Variants in RBFOX1 observed in about 807,000 individuals in gnomAD.
RBFOX1 encodes RNA binding protein fox-1 homolog 1.
A neutral mutation model predicts 57.7 loss-of-function variants in RBFOX1; 8 were observed. The observed-to-expected ratio is 0.14, with a 90% CI of 0.08 to 0.25. RBFOX1 has a LOEUF of 0.25. Among genes scored for constraint, RBFOX1 ranks in the 10% least tolerant of loss-of-function variants. The pLI, the probability that RBFOX1 is intolerant of heterozygous loss-of-function variation, is 1.00. For synonymous variants in RBFOX1, 326 were observed against 222.4 expected (o/e 1.47, Z -4.15); for missense variants, 611 against 548.5 (o/e 1.11, Z -1.14).
At chr16:6,635,683 G>A (rs533630536) in intron 2 of RBFOX1, among the ~76,000 whole-genome samples, 4 of 152,232 alleles carry the variant, frequency 2.6e-5, no homozygotes, top group Admixed American at 6.5e-5. Flanking sequence ...TGAGTCTTAC[G>A]GTTTTGTGAA....
At chr16:5,933,935 C>G (rs2059119292) in intron 4 of RBFOX1, among the ~76,000 whole-genome samples, 1 of 152,048 alleles carries the variant, frequency 6.6e-6, no homozygotes, top group African/African-American at 2.4e-5. Flanking sequence ...TTCTGTTCCT[C>G]TCCCTCCTCC....
chr16:7,710,872 G>C lies in RBFOX1; in HGVS notation c.*127G>C. On this transcript the variant is annotated 3_prime_UTR_variant, in exon 16 of 16. Coordinates refer to ENST00000550418, the MANE Select transcript of RBFOX1 (RefSeq NM_018723.4). The stretch of plus-strand genomic sequence containing the variant: ...AAAAAAAAAAAATACAAATAAAAAG[G>C]AAAAAAAATTACATTTTTTATCTTA... 2 of 980,900 alleles carry C rather than the reference G, an allele frequency of 2.0e-6. No homozygotes were observed. The highest frequency in any genetic ancestry group is 1.7e-5 in the African/African-American group (1 of 58,588). The allele number at this position is 980,900 out of a possible 1,614,324, so 60.8% of individuals were successfully genotyped here.
intron 2 of RBFOX1, among the ~76,000 whole-genome samples, chr16:6,513,796 T>C (rs2096307220): frequency 6.6e-6 from 1 of 152,108 alleles, no homozygotes; most frequent in Non-Finnish European, 1.5e-5. Flanking sequence ...TTGTCTTGTT[T>C]CTGTGGCCAC....
At chr16:6,823,708 T>A (rs1204548137) in intron 3 of RBFOX1, among the ~76,000 whole-genome samples, 1 of 152,224 alleles carries the variant, frequency 6.6e-6, no homozygotes, top group Non-Finnish European at 1.5e-5. Context: ...ATTTGTTCAT[T>A]CATTCATTCA....
At chr16:6,804,449 A>T (rs1389084828) in intron 3 of RBFOX1, among the ~76,000 whole-genome samples, 1 of 152,156 alleles carries the variant, frequency 6.6e-6, no homozygotes, top group Non-Finnish European at 1.5e-5. Context: ...TGAAGATTTG[A>T]CTGGATGGTA....
At chr16:5,806,127 C>G (rs2055218502) in intron 3 of RBFOX1, among the ~76,000 whole-genome samples, 1 of 152,168 alleles carries the variant, frequency 6.6e-6, no homozygotes, top group Non-Finnish European at 1.5e-5. Flanking sequence ...AGCAGACCTG[C>G]CTTCCCTGTT....
At chr16:5,444,129 T>G (rs2068170467) in intron 1 of RBFOX1, among the ~76,000 whole-genome samples, 1 of 150,270 alleles carries the variant, frequency 6.7e-6, no homozygotes, top group Non-Finnish European at 1.5e-5. Flanking sequence ...CATCAAAAAT[T>G]ATAATCTCAA....
At chr16:7,381,131 CAG>C (rs1437764042) in intron 4 of RBFOX1, among the ~76,000 whole-genome samples, 1 of 152,168 alleles carries the variant, frequency 6.6e-6, no homozygotes, top group African/African-American at 2.4e-5. Context: ...GCAGAGTAAA[CAG>C]ACACAGATAG....
chr16:5,424,981 T>TC (rs71142620), intron 1 of RBFOX1, among the ~76,000 whole-genome samples: 1 of 36,154 alleles, frequency 2.8e-5, no homozygotes, highest in African/African-American at 1.2e-4. Flanking sequence ...TTTCTTTCTT[T>TC]TCTTTTCTTT....
At chr16:5,634,625 A>C (rs2048624421) in intron 3 of RBFOX1, among the ~76,000 whole-genome samples, 1 of 152,186 alleles carries the variant, frequency 6.6e-6, no homozygotes, top group African/African-American at 2.4e-5. Context: ...AAGCTGAAGG[A>C]AAGTTATTGG....
chr16:7,035,651 C>T (rs987205130), intron 3 of RBFOX1, among the ~76,000 whole-genome samples: 1 of 152,128 alleles, frequency 6.6e-6, no homozygotes, highest in Non-Finnish European at 1.5e-5. Context: ...GTCATTACTT[C>T]CAGTGTCTAA....
intron 4 of RBFOX1, among the ~76,000 whole-genome samples, chr16:7,486,367 G>A (rs1272956691): frequency 2.0e-5 from 3 of 151,706 alleles, no homozygotes; most frequent in African/African-American, 7.3e-5. Flanking sequence ...ACCTGACCTC[G>A]AGTGATCCAC....
chr16:6,987,161 A>T (rs764335702), intron 3 of RBFOX1, among the ~76,000 whole-genome samples: 1 of 152,090 alleles, frequency 6.6e-6, no homozygotes, highest in Admixed American at 6.6e-5. Context: ...AGAGAGCAGC[A>T]TTTTGATAGA....
chr16:5,742,112 A>G (rs1472268063), intron 3 of RBFOX1, among the ~76,000 whole-genome samples: 1 of 152,232 alleles, frequency 6.6e-6, no homozygotes, highest in East Asian at 1.9e-4. Flanking sequence ...AAGGATTTTC[A>G]GAGTGATAGT....
At chr16:6,270,378 G>A (rs1268024052) in intron 1 of RBFOX1, among the ~76,000 whole-genome samples, 2 of 149,828 alleles carry the variant, frequency 1.3e-5, no homozygotes, top group African/African-American at 4.9e-5. Flanking sequence ...AAAGTAAAAG[G>A]ATGGAAAAAA....
intron 2 of RBFOX1, among the ~76,000 whole-genome samples, chr16:6,610,884 GA>G (rs1442733617): frequency 6.6e-6 from 1 of 152,152 alleles, no homozygotes; most frequent in Non-Finnish European, 1.5e-5. Context: ...TAGGTCATTT[GA>G]TATGCCTGTT....
At chr16:6,692,738 C>T (rs910413445) in intron 3 of RBFOX1, among the ~76,000 whole-genome samples, 2 of 151,844 alleles carry the variant, frequency 1.3e-5, no homozygotes, top group Admixed American at 6.6e-5. Context: ...ATGTCTTTAT[C>T]TTCTGATCTG....
intron 1 of RBFOX1, among the ~76,000 whole-genome samples, chr16:6,176,973 G>A (rs959127963): frequency 2.0e-5 from 3 of 152,264 alleles, no homozygotes; most frequent in African/African-American, 4.8e-5. Context: ...GGTTGTTGGC[G>A]TTGAATAAAT....
At chr16:7,650,614 T>C (rs1182481768) in intron 11 of RBFOX1, among the ~76,000 whole-genome samples, 1 of 152,210 alleles carries the variant, frequency 6.6e-6, no homozygotes, top group African/African-American at 2.4e-5. Context: ...TCTCAACATC[T>C]AAATCCTCCA....
Sources: gnomAD v4.1 joint callset for allele counts (sites outside exome capture counted in the v4.1 genomes callset) on GRCh38, gnomAD v4.1.1 for gene constraint, MANE v1.5 for transcripts, NCBI Gene and HGNC (gene_info 2026-07-23, HGNC 2026-07-21) for gene names.